GLCE: variants seen among roughly 807,000 people sequenced by gnomAD.
GLCE encodes the protein glucuronic acid epimerase.
A neutral mutation model predicts 47.9 loss-of-function variants in GLCE; 19 were observed. That is an observed-to-expected ratio of 0.40 (90% confidence interval 0.28 to 0.58). The LOEUF is 0.58. Ranked by LOEUF, GLCE falls within the 20% of genes least tolerant of loss-of-function variation. The pLI is 0.48. For synonymous variants in GLCE, 245 were observed against 263.4 expected, an observed-to-expected ratio of 0.93 and a Z score of 0.68; for missense variants, 556 against 743.3, an observed-to-expected ratio of 0.75 and a Z score of 2.93.
At chr15:69,251,225 G>C (rs16953019) in intron 2 of GLCE, among the ~76,000 whole-genome samples, 6,208 of 152,152 alleles carry the variant, frequency 0.041, 409 homozygotes, top group African/African-American at 0.14. Flanking sequence ...AGAGATCCAA[G>C]TGAAACATTT....
chr15:69,194,593 A>G (rs1031012838), intron 1 of GLCE: 8 of 152,106 alleles, frequency 5.3e-5, no homozygotes, highest in African/African-American at 1.9e-4. Context: ...TGATGTAGGT[A>G]TGGGTTCTGG....
At chr15:69,240,279 GTCTCAAAAAAAAAAAAAAAAAAA>G (rs1566965637) in intron 2 of GLCE, among the ~76,000 whole-genome samples, 11 of 142,058 alleles carry the variant, frequency 7.7e-5, no homozygotes, top group Admixed American at 6.9e-4. Flanking sequence ...GCGAGACTCC[GTCTCAAAAAAAAAAAAAAAAAAA>G]AAAAAAAAGA....
intron 1 of GLCE, among the ~76,000 whole-genome samples, chr15:69,195,561 C>T (rs1194180486): frequency 1.3e-5 from 2 of 152,080 alleles, no homozygotes; most frequent in Non-Finnish European, 2.9e-5. Flanking sequence ...GGATTGTCTA[C>T]TTTAGATTAT....
intron 1 of GLCE, among the ~76,000 whole-genome samples, chr15:69,171,531 G>C (rs1180320052): frequency 6.6e-6 from 1 of 151,748 alleles, no homozygotes; most frequent in Non-Finnish European, 1.5e-5. Flanking sequence ...TGAGTAGCTG[G>C]GATTACAGGC....
intron 1 of GLCE, among the ~76,000 whole-genome samples, chr15:69,204,277 C>CTT (rs57376738): frequency 6.4e-3 from 561 of 88,320 alleles, no homozygotes; most frequent in African/African-American, 0.01. Context: ...GATTGTTTTA[C>CTT]TTTTTTTTTT....
intron 2 of GLCE, among the ~76,000 whole-genome samples, chr15:69,253,106 C>T (rs975949179): frequency 2.6e-5 from 4 of 152,122 alleles, no homozygotes; most frequent in Admixed American, 2.6e-4. Flanking sequence ...AGTTGAGTAC[C>T]AGTAGGCCCA....
At chr15:69,250,299 C>T (rs550492530) in intron 2 of GLCE, among the ~76,000 whole-genome samples, 1 of 152,160 alleles carries the variant, frequency 6.6e-6, no homozygotes, top group African/African-American at 2.4e-5. Context: ...CTGAGTTTCT[C>T]TTTAGATGAG....
intron 2 of GLCE, among the ~76,000 whole-genome samples, chr15:69,234,852 T>C (rs1396701689): frequency 1.3e-5 from 2 of 152,200 alleles, no homozygotes; most frequent in Admixed American, 6.5e-5. Flanking sequence ...AAATTTATGT[T>C]GCCTACCAAT....
intron 1 of GLCE, among the ~76,000 whole-genome samples, chr15:69,186,594 T>C (rs1041693855): frequency 2.1e-4 from 32 of 152,170 alleles, no homozygotes; most frequent in African/African-American, 7.5e-4. Flanking sequence ...TAGTTGATCT[T>C]AGTTTCTGAG....
At chr15:69,234,127 G>A (rs1453504241) in intron 2 of GLCE, among the ~76,000 whole-genome samples, 2 of 151,826 alleles carry the variant, frequency 1.3e-5, no homozygotes, top group African/African-American at 2.4e-5. Flanking sequence ...ACAGGCACAC[G>A]CCACTACACC....
chr15:69,205,582 T>C (rs2052139011), intron 1 of GLCE, among the ~76,000 whole-genome samples: 2 of 152,142 alleles, frequency 1.3e-5, no homozygotes. Context: ...TTTTCTAAAA[T>C]GGCTGTTTCC....
chr15:69,213,898 T>G (rs1424502115), intron 2 of GLCE, among the ~76,000 whole-genome samples: 1 of 152,190 alleles, frequency 6.6e-6, no homozygotes, highest in Non-Finnish European at 1.5e-5. Flanking sequence ...TCATAGATAT[T>G]TATTTTATTC....
intron 1 of GLCE, among the ~76,000 whole-genome samples, chr15:69,198,247 T>C (rs2052025852): frequency 6.6e-6 from 1 of 152,200 alleles, no homozygotes; most frequent in Non-Finnish European, 1.5e-5. Flanking sequence ...TCTATGTTAT[T>C]ACTCAACTAT....
intron 1 of GLCE, among the ~76,000 whole-genome samples, chr15:69,184,083 G>A (rs565484398): frequency 2.2e-4 from 34 of 152,264 alleles, no homozygotes; most frequent in African/African-American, 4.8e-4. Flanking sequence ...TGATGTCTTC[G>A]TAGTCACATC....
chr15:69,229,759 A>G (rs2052495984), intron 2 of GLCE, among the ~76,000 whole-genome samples: 4 of 152,180 alleles, frequency 2.6e-5, no homozygotes, highest in South Asian at 2.1e-4. Context: ...CAATAGCTAG[A>G]TAGCAGATAT....
intron 1 of GLCE, among the ~76,000 whole-genome samples, chr15:69,187,129 T>C (rs2051835394): frequency 6.6e-6 from 1 of 152,220 alleles, no homozygotes; most frequent in Admixed American, 6.5e-5. Flanking sequence ...GTATTAGCTA[T>C]AGTTTCTGTA....
chr15:69,184,909 ACCT>A (rs2051800343), intron 1 of GLCE, among the ~76,000 whole-genome samples: 1 of 152,160 alleles, frequency 6.6e-6, no homozygotes, highest in Non-Finnish European at 1.5e-5. Flanking sequence ...CCACCAGCAA[ACCT>A]CTTCTACCTC....
chr15:69,180,020 G>A (rs556477816), intron 1 of GLCE, among the ~76,000 whole-genome samples: 3 of 151,806 alleles, frequency 2.0e-5, no homozygotes, highest in Admixed American at 6.5e-5. Flanking sequence ...CCAAAAGAAC[G>A]TATTTATTGC....
At chr15:69,165,625 A>G (rs1297396673) in intron 1 of GLCE, among the ~76,000 whole-genome samples, 1 of 144,664 alleles carries the variant, frequency 6.9e-6, no homozygotes, top group Non-Finnish European at 1.5e-5. Flanking sequence ...GGTGTTATAT[A>G]CTCACTGTAT....
Sources: allele counts gnomAD v4.1 joint callset (sites outside exome capture counted in the v4.1 genomes callset), GRCh38; gene constraint gnomAD v4.1.1; transcripts MANE v1.5; gene names NCBI Gene and HGNC (gene_info 2026-07-23, HGNC 2026-07-21).